The following SLC12A3 variants were observed in gnomAD, a reference collection of about 807,000 sequenced individuals.
The protein encoded by SLC12A3 is solute carrier family 12 member 3, also known as Na-Cl cotransporter.
A neutral mutation model predicts 121.0 loss-of-function variants in SLC12A3; 104 were observed. The ratio of observed to expected loss-of-function variants is 0.86; its 90% CI spans 0.73 to 1.01. The LOEUF is 1.01. Ranked by LOEUF, SLC12A3 falls within the 50% of genes least tolerant of loss-of-function variation. The probability of loss-of-function intolerance (pLI) is 0.00; values close to 1 mark genes in which losing one functional copy is unlikely to be tolerated. For missense variants in SLC12A3, 1,328 were observed against 1,356.3 expected (o/e 0.98, Z 0.33); for synonymous variants, 536 against 533.4 (o/e 1.00, Z -0.07).
Position 56,887,831 on chromosome 16 carries a change from A to G in SLC12A3, c.2179-94A>G, listed in dbSNP as rs373684588. On this transcript the variant is annotated intron_variant, in intron 17 of 25. Coordinates refer to ENST00000563236, the MANE Select transcript of SLC12A3 (RefSeq NM_001126108.2). Reference sequence around the variant, plus strand: ...TTTTTTTTTTTTTGAGAATCAGCACATCTGGAGACATCAGAAAGTTGGGGC... The same window carrying G: ...TTTTTTTTTTTTTGAGAATCAGCACGTCTGGAGACATCAGAAAGTTGGGGC... 5.3e-4 allele frequency: 324 copies of G among 607,432 alleles called. 1 individual carries two copies. In the African/African-American group the frequency reaches 6.1e-3, roughly 11 times the overall value. 37.6% of individuals were successfully genotyped at this position (607,432 alleles called of 1,614,324 possible).
rs1293157915 is a variant in SLC12A3, at chr16:56,873,452, T to C, written c.1095+666T>C. Among the ~76,000 whole-genome samples, 32 of 145,508 alleles carry C rather than the reference T, an allele frequency of 2.2e-4. No homozygotes were observed. In the Admixed American group the frequency reaches 2.2e-3, roughly 10 times the overall value. On this transcript the variant is annotated intron_variant, in intron 8 of 25. Transcript: ENST00000563236. Reference sequence around the variant, plus strand: ...CCCAGGCTGGAGTGCAATGGCATGATCTTGGCTCACTGCAACCTCCGCCTC... The same window carrying C: ...CCCAGGCTGGAGTGCAATGGCATGACCTTGGCTCACTGCAACCTCCGCCTC...
At chr16:56,893,931 C>G (rs1484584586) in intron 21 of SLC12A3, among the ~76,000 whole-genome samples, 1 of 147,890 alleles carries the variant, frequency 6.8e-6, no homozygotes, top group Admixed American at 6.7e-5. Flanking sequence ...GCGGCTGCCA[C>G]CACACCCAGC....
At chr16:56,874,773 C>T (rs2055145345) in intron 8 of SLC12A3, among the ~76,000 whole-genome samples, 1 of 152,194 alleles carries the variant, frequency 6.6e-6, no homozygotes, top group African/African-American at 2.4e-5. Flanking sequence ...CCACTACACT[C>T]CAGCCTGGGT....
chr16:56,881,357 C>T lies in SLC12A3; in HGVS notation c.1568-1039C>T, dbSNP rs111273057. 5.5e-3 allele frequency among the ~76,000 whole-genome samples: 837 copies of T among 152,180 alleles called. 2 individuals carry two copies. The highest frequency in any genetic ancestry group is 8.6e-3 in the Non-Finnish European group (588 of 67,996). On this transcript the variant is annotated intron_variant, in intron 12 of 25. Transcript: ENST00000563236. Reference sequence around the variant, plus strand: ...AAGTCTGGTCAGACTTGATGTTCCCCGGCCCCGTCTCTGCTTCCTGCTCAC... The same window carrying T: ...AAGTCTGGTCAGACTTGATGTTCCCTGGCCCCGTCTCTGCTTCCTGCTCAC...
intron 6 of SLC12A3, 88 bp downstream of exon 6, chr16:56,870,824 C>CT: frequency 1.4e-6 from 1 of 718,896 alleles, no homozygotes; most frequent in South Asian, 1.6e-5. Flanking sequence ...GGTCCTCTGC[C>CT]TTTTCTTTTT....
intron 17 of SLC12A3, 61 bp from the exon 18 acceptor site, chr16:56,887,864 A>G (rs1484276294): frequency 9.0e-7 from 1 of 1,111,228 alleles, no homozygotes; most frequent in Non-Finnish European, 1.3e-6. Context: ...GGCTCTGGCC[A>G]GGTGGATCAC....
Position 56,879,218 on chromosome 16 carries a change from C to G in SLC12A3, c.1326C>G (p.Asn442Lys), listed in dbSNP as rs775232139. The G allele has an allele frequency of 1.2e-6, 2 of 1,613,858 alleles. No individual in the cohort carries two copies. The highest frequency in any genetic ancestry group is 4.5e-5 in the East Asian group (2 of 44,898). ...ACAGCTGCCACTACGGCCTCATCAA[C>G]TATTACCAGGTACTGCCAGGAGAGC... is the stretch of plus-strand genomic sequence containing the variant. ...QQHSCHYGLI[N>K]YYQTMSMVSG... Residue 442 changes from asparagine to lysine, a missense_variant, in exon 10 of 26, where the codon AAC (asparagine) becomes AAG (lysine). Physicochemically the swap from Asn to Lys is moderately conservative, Grantham distance 94. Coordinates refer to ENST00000563236, the MANE Select transcript of SLC12A3 (RefSeq NM_001126108.2).
intron 13 of SLC12A3, 108 bp from the exon 14 acceptor site, chr16:56,883,941 C>T: frequency 7.8e-7 from 1 of 1,277,302 alleles, no homozygotes; most frequent in East Asian, 2.4e-5. Flanking sequence ...AGGCTGGGAC[C>T]CCGGCTCTGG....
rs1240489460 is a variant in SLC12A3, at chr16:56,913,698, A to G, written c.*293A>G. ...AGGATTTCTTTTGATTTTGATGACCATTAATTAAGAGTTCAGTCTTTGATT... is the reference window on the plus strand; with the variant it reads ...AGGATTTCTTTTGATTTTGATGACCGTTAATTAAGAGTTCAGTCTTTGATT... On this transcript the variant is annotated 3_prime_UTR_variant, in exon 26 of 26. Coordinates refer to ENST00000563236, the MANE Select transcript of SLC12A3 (RefSeq NM_001126108.2). 1 of 434,444 alleles carries G rather than the reference A, an allele frequency of 2.3e-6. No individual in the cohort carries two copies. The highest frequency in any genetic ancestry group is 4.3e-6 in the Non-Finnish European group (1 of 233,624). The allele number at this position is 434,444 out of a possible 1,614,324, so 26.9% of individuals were successfully genotyped here. A position where few individuals can be genotyped will look rare whatever the true frequency, so the allele number is the denominator to read the frequency against.
At chr16:56,874,105 C>T (rs573323470) in intron 8 of SLC12A3, among the ~76,000 whole-genome samples, 3 of 152,344 alleles carry the variant, frequency 2.0e-5, no homozygotes, top group African/African-American at 4.8e-5. Flanking sequence ...GGGCCAAACG[C>T]GTATCTGTTG....
chr16:56,907,041 T>C, intron 25 of SLC12A3: 1 of 202,490 alleles, frequency 4.9e-6, no homozygotes, highest in Non-Finnish European at 9.9e-6. Flanking sequence ...GAAAAAAAGA[T>C]GCCCAGGAGA....
intron 18 of SLC12A3, among the ~76,000 whole-genome samples, chr16:56,889,206 G>A (rs2055357799): frequency 6.6e-6 from 1 of 152,236 alleles, no homozygotes; most frequent in East Asian, 1.9e-4. Context: ...GTAGGACTCG[G>A]AGCAATCCTC....
At chr16:56,873,624 G>A (rs1596897863) in intron 8 of SLC12A3, among the ~76,000 whole-genome samples, 1 of 151,410 alleles carries the variant, frequency 6.6e-6, no homozygotes, top group African/African-American at 2.4e-5. Context: ...CTGACCTCAG[G>A]TGATCCATTC....
rs560522296 is a variant in SLC12A3, at chr16:56,879,512, G to A, written c.1336-30G>A. Reference sequence around the variant, plus strand: ...GGGGGCTCCTGGCTCAGCCCCCACCGTGGAGTCCCTGAGCCCCAAATCCCC... The same window carrying A: ...GGGGGCTCCTGGCTCAGCCCCCACCATGGAGTCCCTGAGCCCCAAATCCCC... On this transcript the variant is annotated intron_variant, in intron 10 of 25. Coordinates refer to ENST00000563236, the MANE Select transcript of SLC12A3 (RefSeq NM_001126108.2). 7.6e-5 allele frequency: 119 copies of A among 1,562,456 alleles called. No homozygotes were observed. The East Asian group carries it at 1.5e-3, about 20-fold the overall frequency.
chr16:56,873,374 C>CTTTTTTTTTT (rs59478629), intron 8 of SLC12A3, among the ~76,000 whole-genome samples: 134 of 75,384 alleles, frequency 1.8e-3, no homozygotes, highest in Non-Finnish European at 2.7e-3. Flanking sequence ...CTCTTTCTTT[C>CTTTTTTTTTT]TTTTTTTTTT....
chr16:56,868,995 AG>A (rs1964427638), intron 3 of SLC12A3, among the ~76,000 whole-genome samples: 1 of 151,658 alleles, frequency 6.6e-6, no homozygotes, highest in Admixed American at 6.6e-5. Context: ...AAAATAAAAA[AG>A]AAAGCTGCAT....
At chr16:56,903,020 G>A (rs2055560028) in intron 24 of SLC12A3, among the ~76,000 whole-genome samples, 1 of 151,952 alleles carries the variant, frequency 6.6e-6, no homozygotes, top group Admixed American at 6.6e-5. Flanking sequence ...ATGGTGGCAG[G>A]CACCTGTAAT....
chr16:56,883,955 C>T, intron 13 of SLC12A3, 94 bp from the exon 14 acceptor site: 2 of 1,407,618 alleles, frequency 1.4e-6, no homozygotes, highest in Admixed American at 1.7e-5. Context: ...GCTCTGGGCA[C>T]TGCTGGCATT....
chr16:56,894,959 T>C (rs567817049), intron 22 of SLC12A3, among the ~76,000 whole-genome samples: 3 of 129,400 alleles, frequency 2.3e-5, no homozygotes, highest in Admixed American at 2.3e-4. Context: ...AGCATAAAAA[T>C]AAGAAAGAAA....
Sources: gnomAD v4.1 joint callset for allele counts (sites outside exome capture counted in the v4.1 genomes callset) on GRCh38, gnomAD v4.1.1 for gene constraint, MANE v1.5 for transcripts, NCBI Gene and HGNC (gene_info 2026-07-23, HGNC 2026-07-21) for gene names.